Variants in ITGA6 observed in about 807,000 individuals in gnomAD.
ITGA6 encodes the protein integrin subunit alpha 6, also known as integrin alpha-6.
ITGA6 carries 63 observed loss-of-function variants against 133.6 expected under a neutral mutation model. That is an observed-to-expected ratio of 0.47 (90% CI 0.38 to 0.58). The LOEUF (loss-of-function observed/expected upper bound fraction) is 0.58, where lower values mean the gene tolerates loss of function less well. ITGA6 is among the 20% of genes least tolerant of loss of function. The probability of loss-of-function intolerance (pLI) is 0.00; values close to 1 mark genes in which losing one functional copy is unlikely to be tolerated. For synonymous variants in ITGA6, 434 were observed against 482.0 expected, an observed-to-expected ratio of 0.90 and a Z score of 1.30; for missense variants, 1,068 against 1,309.4, an observed-to-expected ratio of 0.82 and a Z score of 2.85.
intron 6 of ITGA6, 27 bp from the exon 7 acceptor site, chr2:172,474,902 G>A (rs779447180): frequency 1.0e-5 from 12 of 1,189,942 alleles, no homozygotes; most frequent in Admixed American, 1.7e-5. Context: ...GTTGGTTCAC[G>A]GCTCTTTCCC....
At chr2:172,467,458 G>C (rs1685729124) in intron 2 of ITGA6, 23 bp from the exon 3 acceptor site, 5 of 1,595,742 alleles carry the variant, frequency 3.1e-6, no homozygotes, top group Non-Finnish European at 3.4e-6. Context: ...CACTTGGAAG[G>C]CTAACTATGC....
At chr2:172,470,083 C>T (rs1685854671) in intron 4 of ITGA6, among the ~76,000 whole-genome samples, 1 of 152,140 alleles carries the variant, frequency 6.6e-6, no homozygotes, top group South Asian at 2.1e-4. Context: ...TGGAAATAAG[C>T]CATTTTTGAG....
intron 1 of ITGA6, among the ~76,000 whole-genome samples, chr2:172,449,828 GGA>G (rs1176760464): frequency 2.0e-5 from 3 of 151,424 alleles, no homozygotes; most frequent in Non-Finnish European, 2.9e-5. Context: ...GGCTGAGGCG[GGA>G]GAATTGCTTG....
Position 172,480,369 on chromosome 2 carries a change from T to TGTGGTTGTGAGGTGGTGGGTGGTGGCTG in ITGA6, c.1549+357_1549+384dup, listed in dbSNP as rs903604954. 1.3e-3 allele frequency among the ~76,000 whole-genome samples: 197 copies of TGTGGTTGTGAGGTGGTGGGTGGTGGCTG among 152,166 alleles called. 1 individual carries two copies. The highest frequency in any genetic ancestry group is 4.0e-3 in the African/African-American group (164 of 41,456). On this transcript the variant is annotated intron_variant, in intron 11 of 25. Transcript: ENST00000684293. ...GAAAAGCAGTGTGGAAAATTGATTTTGTGGTTGTGAGGTGGTGGGTGGTGG... is the reference window on the plus strand; with the variant it reads ...GAAAAGCAGTGTGGAAAATTGATTTTGTGGTTGTGAGGTGGTGGGTGGTGGCTGGTGGTTGTGAGGTGGTGGGTGGTGG...
intron 25 of ITGA6, chr2:172,503,787 A>G: frequency 5.1e-6 from 1 of 195,272 alleles, no homozygotes; most frequent in Non-Finnish European, 1.0e-5. Context: ...ATTTTTAAAT[A>G]TGGAAGCACT....
At chr2:172,497,249 T>C (rs766213469) in intron 23 of ITGA6, among the ~76,000 whole-genome samples, 2 of 152,170 alleles carry the variant, frequency 1.3e-5, no homozygotes, top group Non-Finnish European at 2.9e-5. Context: ...CTCATACTTA[T>C]GATACCCACA....
rs200560853 is a variant in ITGA6 at position 172,479,990 on chromosome 2, C to G, written c.1488C>G (p.Cys496Trp). The G allele has an allele frequency of 5.0e-6, 8 of 1,589,174 alleles. No individual in the cohort carries two copies. In the Admixed American group the frequency reaches 1.2e-4, roughly 23 times the overall value. ...KTACGAPSGI[C>W]LQVKSCFEYT... ...GAAATATGTGTTTGATTTTATTCAGCCTCCAGGTTAAATCCTGTTTTGAAT... is the reference window on the plus strand; with the variant it reads ...GAAATATGTGTTTGATTTTATTCAGGCTCCAGGTTAAATCCTGTTTTGAAT... The change falls in exon 11 of 26, where the codon TGC (cysteine) becomes TGG (tryptophan). Residue 496 changes from cysteine to tryptophan, a missense_variant and splice_region_variant. Transcript: ENST00000684293.
chr2:172,482,903 T>C (rs775980660), intron 11 of ITGA6, among the ~76,000 whole-genome samples: 1 of 152,222 alleles, frequency 6.6e-6, no homozygotes, highest in Non-Finnish European at 1.5e-5. Flanking sequence ...GGGAACCAGT[T>C]ACTGCCACTT....
At chr2:172,463,310 A>G (rs1685510126) in intron 1 of ITGA6, among the ~76,000 whole-genome samples, 1 of 152,110 alleles carries the variant, frequency 6.6e-6, no homozygotes, top group African/African-American at 2.4e-5. Flanking sequence ...AGTTAAGACA[A>G]TGGGACTCCT....
intron 1 of ITGA6, among the ~76,000 whole-genome samples, chr2:172,460,293 C>G (rs1158868896): frequency 6.6e-6 from 1 of 152,170 alleles, no homozygotes; most frequent in Non-Finnish European, 1.5e-5. Context: ...GATAGCAAGA[C>G]ATGGAGAAAC....
intron 11 of ITGA6, among the ~76,000 whole-genome samples, chr2:172,483,962 C>T (rs1355870877): frequency 2.6e-5 from 4 of 152,252 alleles, no homozygotes; most frequent in African/African-American, 9.6e-5. Flanking sequence ...AGGCATGCGC[C>T]ACCAAGCCCA....
At chr2:172,459,335 C>G (rs1033420792) in intron 1 of ITGA6, among the ~76,000 whole-genome samples, 2 of 152,130 alleles carry the variant, frequency 1.3e-5, no homozygotes, top group African/African-American at 4.8e-5. Context: ...AAAACCCCAT[C>G]TCTAATAAAA....
At chr2:172,435,908 C>T (rs1210646791) in intron 1 of ITGA6, among the ~76,000 whole-genome samples, 4 of 151,924 alleles carry the variant, frequency 2.6e-5, no homozygotes, top group Admixed American at 2.6e-4. Flanking sequence ...AGATTACAAG[C>T]GTGAGCCACC....
At chr2:172,443,668 T>C (rs1045253246) in intron 1 of ITGA6, among the ~76,000 whole-genome samples, 2 of 152,236 alleles carry the variant, frequency 1.3e-5, no homozygotes, top group African/African-American at 4.8e-5. Flanking sequence ...TTTATGCTTG[T>C]TAAAATGTAT....
At chr2:172,453,560 T>C (rs1477107154) in intron 1 of ITGA6, among the ~76,000 whole-genome samples, 1 of 152,148 alleles carries the variant, frequency 6.6e-6, no homozygotes, top group Non-Finnish European at 1.5e-5. Context: ...CAAAGGTTTT[T>C]TGTGTTTGTT....
chr2:172,482,462 C>T lies in ITGA6; in HGVS notation c.1550-2320C>T, dbSNP rs966614734. 4.6e-5 allele frequency among the ~76,000 whole-genome samples: 7 copies of T among 152,090 alleles called. No individual in the cohort carries two copies. In the East Asian group the frequency reaches 5.8e-4, roughly 13 times the overall value. On this transcript the variant is annotated intron_variant, in intron 11 of 25. Transcript: ENST00000684293. ...TACATATAGATATCTATAATTGAGCCGTAATGAGTGTTCTACTTGGCTTGC... is the reference window on the plus strand; with the variant it reads ...TACATATAGATATCTATAATTGAGCTGTAATGAGTGTTCTACTTGGCTTGC...
chr2:172,437,429 G>A (rs142080342), intron 1 of ITGA6, among the ~76,000 whole-genome samples: 1 of 152,310 alleles, frequency 6.6e-6, no homozygotes, highest in East Asian at 1.9e-4. Flanking sequence ...TGGGGACTAG[G>A]TATCAGTTGG....
chr2:172,504,562 G>T lies in ITGA6; in HGVS notation c.*494G>T. On this transcript the variant is annotated 3_prime_UTR_variant, in exon 26 of 26. Transcript: ENST00000684293. ...GGAAGGGCCTGCCCAGTTGCACTCA[G>T]GTGACATCCTCCAGATAGTGTAGCT... 1 of 239,622 alleles carries T rather than the reference G, an allele frequency of 4.2e-6. No homozygotes were observed. Among genetic ancestry groups the T allele is most frequent in the South Asian group, 6.0e-5 (1 of 16,688 alleles). 14.8% of individuals were successfully genotyped at this position (239,622 alleles called of 1,614,324 possible).
intron 1 of ITGA6, among the ~76,000 whole-genome samples, chr2:172,446,093 C>A (rs1270545185): frequency 6.6e-6 from 1 of 152,244 alleles, no homozygotes; most frequent in African/African-American, 2.4e-5. Flanking sequence ...CCAGCACTCT[C>A]TGGCAGAGCT....
Sources: allele counts gnomAD v4.1 joint callset (sites outside exome capture counted in the v4.1 genomes callset), GRCh38; gene constraint gnomAD v4.1.1; transcripts MANE v1.5; gene names NCBI Gene and HGNC (gene_info 2026-07-23, HGNC 2026-07-21).